Variants in DENND6A observed in about 807,000 individuals in gnomAD.
The protein encoded by DENND6A is DENN domain containing 6A, also known as protein DENND6A.
In DENND6A, 43 loss-of-function variants were observed where a neutral mutation model predicts 95.5. The observed-to-expected ratio is 0.45, with a 90% CI of 0.35 to 0.58. DENND6A has a LOEUF of 0.58. Ranked by LOEUF, DENND6A falls within the 20% of genes least tolerant of loss-of-function variation. DENND6A has a pLI of 0.00. For missense variants in DENND6A, 574 were observed against 736.0 expected (o/e 0.78, Z 2.55); for synonymous variants, 257 against 260.4 (o/e 0.99, Z 0.13).
intron 9 of DENND6A, among the ~76,000 whole-genome samples, chr3:57,651,811 C>T (rs1209139388): frequency 6.6e-6 from 1 of 152,026 alleles, no homozygotes; most frequent in East Asian, 1.9e-4. Context: ...ACTGGCTAAA[C>T]TGGGACAATT....
At chr3:57,688,760 A>G (rs1241960275) in intron 1 of DENND6A, among the ~76,000 whole-genome samples, 1 of 151,874 alleles carries the variant, frequency 6.6e-6, no homozygotes, top group African/African-American at 2.4e-5. Flanking sequence ...CTTCCCACAC[A>G]CTTGGATTCC....
Position 57,663,479 on chromosome 3 carries a change from AAAAAAAAAAT to A in DENND6A, c.513+147_513+156del, listed in dbSNP as rs1455417712. Among the ~76,000 whole-genome samples the A allele has an allele frequency of 6.3e-4, 81 of 128,712 alleles. 1 individual carries two copies. Among genetic ancestry groups the A allele is most frequent in the African/African-American group, 2.6e-3 (76 of 29,328 alleles). 84.4% of individuals were successfully genotyped at this position (128,712 alleles called of 152,430 possible). A position where few individuals can be genotyped will look rare whatever the true frequency, so the allele number is the denominator to read the frequency against. On this transcript the variant is annotated intron_variant, in intron 5 of 19. Transcript: ENST00000311128. The stretch of plus-strand genomic sequence containing the variant: ...ACTCCACCTCAAAAAAAAAAAAAAA[AAAAAAAAAAT>A]ATATATATACACACACACACACACA...
intron 7 of DENND6A, 52 bp downstream of exon 7, chr3:57,660,707 CA>C: frequency 2.7e-6 from 4 of 1,507,568 alleles, no homozygotes; most frequent in East Asian, 2.4e-5. Context: ...GACCCTGTCT[CA>C]AAAAAATAAA....
In DENND6A at chr3:57,672,308, AAAAC is replaced by A. The variant is rs1461352574; in HGVS notation, c.277-14_277-11del. On this transcript the variant is annotated splice_polypyrimidine_tract_variant and intron_variant, in intron 2 of 19. Transcript: ENST00000311128. ...AGCAAATATTGGTTTTCTGAAAAAG[AAAAC>A]AAAAGTGATGTATGCTGACACATAC... The A allele has an allele frequency of 6.2e-7, 1 of 1,609,456 alleles. No homozygotes were observed. Among genetic ancestry groups the A allele is most frequent in the African/African-American group, 1.3e-5 (1 of 74,774 alleles).
At chr3:57,671,007 A>G (rs1447992079) in intron 3 of DENND6A, among the ~76,000 whole-genome samples, 1 of 152,220 alleles carries the variant, frequency 6.6e-6, no homozygotes, top group East Asian at 1.9e-4. Flanking sequence ...AAAAACACCA[A>G]AATAATTCCA....
intron 5 of DENND6A, among the ~76,000 whole-genome samples, chr3:57,661,853 T>C (rs1203615408): frequency 6.6e-6 from 1 of 152,172 alleles, no homozygotes; most frequent in East Asian, 1.9e-4. Flanking sequence ...ATCCTTACAA[T>C]AGCAATATCA....
intron 12 of DENND6A, among the ~76,000 whole-genome samples, chr3:57,638,620 T>C (rs2070853923): frequency 2.0e-5 from 3 of 152,040 alleles, no homozygotes; most frequent in Admixed American, 6.6e-5. Flanking sequence ...ATTGCGCCAC[T>C]GCACTCCAGC....
chr3:57,669,092 G>A (rs2071572146), intron 3 of DENND6A, among the ~76,000 whole-genome samples: 5 of 152,010 alleles, frequency 3.3e-5, no homozygotes, highest in Admixed American at 6.6e-5. Flanking sequence ...GGCTGGTCTC[G>A]AATTCCTGAT....
At position 57,626,810 on chromosome 3, in the gene DENND6A, A is replaced by C. The variant is rs1366457884; in HGVS notation, c.*1404T>G. 1 of 152,622 alleles carries C rather than the reference A, an allele frequency of 6.6e-6. No individual in the cohort carries two copies. The allele number at this position is 152,622 out of a possible 1,614,324, so 9.5% of individuals were successfully genotyped here. A position where few individuals can be genotyped will look rare whatever the true frequency, so the allele number is the denominator to read the frequency against. On this transcript the variant is annotated 3_prime_UTR_variant, in exon 20 of 20. Coordinates refer to ENST00000311128, the MANE Select transcript of DENND6A (RefSeq NM_152678.3). ...ATTCTTCTATTTTTGGCAAGGTAGT[A>C]TTGTTTAAACAAAACAGAAACAAAA...
At chr3:57,667,402 C>A (rs2071541566) in intron 3 of DENND6A, among the ~76,000 whole-genome samples, 1 of 152,104 alleles carries the variant, frequency 6.6e-6, no homozygotes, top group Non-Finnish European at 1.5e-5. Context: ...AGTGATCCTC[C>A]CACGTCAGCC....
intron 11 of DENND6A, among the ~76,000 whole-genome samples, chr3:57,642,639 A>G (rs186652002): frequency 5.5e-4 from 83 of 152,264 alleles, no homozygotes; most frequent in Middle Eastern, 6.8e-3. Context: ...TTTAGATGTT[A>G]TCTTACAGGC....
chr3:57,672,618 A>C (rs1317769301), intron 1 of DENND6A, among the ~76,000 whole-genome samples, 180 bp from the exon 2 acceptor site: 4 of 152,116 alleles, frequency 2.6e-5, no homozygotes, highest in Admixed American at 2.6e-4. Context: ...CCCCGTCTCT[A>C]CTAAAATTAC....
At chr3:57,669,381 T>C (rs759405662) in intron 3 of DENND6A, among the ~76,000 whole-genome samples, 1 of 152,028 alleles carries the variant, frequency 6.6e-6, no homozygotes, top group Non-Finnish European at 1.5e-5. Flanking sequence ...CACACTTCAT[T>C]TGATGTGCAG....
chr3:57,650,970 G>C (rs1337293040), intron 9 of DENND6A, among the ~76,000 whole-genome samples: 2 of 152,072 alleles, frequency 1.3e-5, no homozygotes, highest in Non-Finnish European at 2.9e-5. Context: ...TTTTAGTAGA[G>C]ATGGGGTTTC....
intron 9 of DENND6A, among the ~76,000 whole-genome samples, chr3:57,650,455 C>T (rs950935136): frequency 2.0e-5 from 3 of 147,658 alleles, no homozygotes; most frequent in Admixed American, 6.9e-5. Context: ...CATACATACA[C>T]ACACACACAT....
chr3:57,692,718 G>A, intron 1 of DENND6A, 64 bp downstream of exon 1: 1 of 1,359,396 alleles, frequency 7.4e-7, no homozygotes, highest in South Asian at 1.6e-5. Flanking sequence ...GCGGGCCGCT[G>A]GCTTTGCTGC....
intron 9 of DENND6A, among the ~76,000 whole-genome samples, chr3:57,651,858 T>C (rs528429733): frequency 7.9e-5 from 12 of 152,058 alleles, no homozygotes; most frequent in Non-Finnish European, 1.3e-4. Context: ...TTAGAATCTA[T>C]TGAATAAAAC....
rs1266916575 is a variant in DENND6A, at chr3:57,693,030, T to C, written c.-12A>G. On this transcript the variant is annotated 5_prime_UTR_variant, in exon 1 of 20. Coordinates refer to ENST00000311128, the MANE Select transcript of DENND6A (RefSeq NM_152678.3). Reference sequence around the variant, plus strand: ...CCCCTCAAAGCCATCGGCCGCCCCCTGACCGTTCGCGCCGCCTCCACAGCG... The same window carrying C: ...CCCCTCAAAGCCATCGGCCGCCCCCCGACCGTTCGCGCCGCCTCCACAGCG... 5 of 1,401,038 alleles carry C rather than the reference T, an allele frequency of 3.6e-6. No homozygotes were observed. Among genetic ancestry groups the C allele is most frequent in the South Asian group, 1.5e-5 (1 of 64,842 alleles). 86.8% of individuals were successfully genotyped at this position (1,401,038 alleles called of 1,614,324 possible). A position where few individuals can be genotyped will look rare whatever the true frequency, so the allele number is the denominator to read the frequency against.
rs545079868 is a variant in DENND6A at position 57,683,127 on chromosome 3, AG to A, written c.237+9654del. Reference sequence around the variant, plus strand: ...ATGGTCCCAGTGCTCCTATTATAATAGGTACCAACAAAAATTTAATGATGCT... The same window carrying A: ...ATGGTCCCAGTGCTCCTATTATAATAGTACCAACAAAAATTTAATGATGCT... On this transcript the variant is annotated intron_variant, in intron 1 of 19. Transcript: ENST00000311128. Among the ~76,000 whole-genome samples the A allele has an allele frequency of 1.1e-3, 163 of 152,328 alleles. 1 individual carries two copies. Among genetic ancestry groups the A allele is most frequent in the African/African-American group, 3.8e-3 (160 of 41,576 alleles).
Sources: allele counts gnomAD v4.1 joint callset (sites outside exome capture counted in the v4.1 genomes callset), GRCh38; gene constraint gnomAD v4.1.1; transcripts MANE v1.5; gene names NCBI Gene and HGNC (gene_info 2026-07-23, HGNC 2026-07-21).